The following SCAPER variants were observed in gnomAD, a reference collection of about 807,000 sequenced individuals.
The protein encoded by SCAPER is S phase cyclin A-associated protein in the endoplasmic reticulum.
In SCAPER, 98 loss-of-function variants were observed where a neutral mutation model predicts 182.2. That is an observed-to-expected ratio of 0.54 (90% CI 0.46 to 0.64). The LOEUF is 0.64. Ranked by LOEUF, SCAPER falls within the 30% of genes least tolerant of loss-of-function variation. SCAPER has a pLI of 0.00. For synonymous variants in SCAPER, 605 were observed against 564.6 expected (o/e 1.07, Z -1.01); for missense variants, 1,432 against 1,690.0 (o/e 0.85, Z 2.68).
At chr15:76,756,969 T>C (rs1471716084) in intron 14 of SCAPER, among the ~76,000 whole-genome samples, 2 of 151,436 alleles carry the variant, frequency 1.3e-5, no homozygotes, top group African/African-American at 4.9e-5. Flanking sequence ...TCAATAGTTA[T>C]TCTGCTCTAA....
chr15:76,834,886 T>G (rs1382493591), intron 5 of SCAPER, among the ~76,000 whole-genome samples: 1 of 151,702 alleles, frequency 6.6e-6, no homozygotes, highest in Non-Finnish European at 1.5e-5. Context: ...CAATAATGAG[T>G]TCTGAAATGG....
intron 2 of SCAPER, among the ~76,000 whole-genome samples, chr15:76,871,817 CT>C (rs1463695207): frequency 3.3e-5 from 5 of 152,054 alleles, no homozygotes; most frequent in Non-Finnish European, 4.4e-5. Flanking sequence ...TCTCAAACTC[CT>C]GACCTCAAGT....
intron 29 of SCAPER, among the ~76,000 whole-genome samples, chr15:76,370,311 T>G (rs1462923046): frequency 3.2e-5 from 4 of 126,436 alleles, no homozygotes; most frequent in East Asian, 2.2e-4. Flanking sequence ...TTTTTTTTTT[T>G]TTTTTGTTTT....
intron 5 of SCAPER, among the ~76,000 whole-genome samples, chr15:76,838,368 T>C (rs1317087194): frequency 6.6e-6 from 1 of 152,086 alleles, no homozygotes; most frequent in Non-Finnish European, 1.5e-5. Flanking sequence ...CAGAAACAAA[T>C]ATGAGAATAG....
At chr15:76,618,116 C>T (rs947735972) in intron 22 of SCAPER, among the ~76,000 whole-genome samples, 2 of 151,906 alleles carry the variant, frequency 1.3e-5, no homozygotes, top group African/African-American at 2.4e-5. Flanking sequence ...AAAAATTAGC[C>T]GGGTGTGGTA....
chr15:76,780,716 C>T (rs1001627720), intron 8 of SCAPER, among the ~76,000 whole-genome samples: 3 of 152,176 alleles, frequency 2.0e-5, no homozygotes, highest in Non-Finnish European at 4.4e-5. Context: ...TGTTCTGCAA[C>T]CTCCACTGGT....
chr15:76,814,597 A>G (rs1377112326), intron 5 of SCAPER, among the ~76,000 whole-genome samples: 3 of 152,194 alleles, frequency 2.0e-5, no homozygotes, highest in Non-Finnish European at 2.9e-5. Context: ...CTTACACCAT[A>G]CGCAAAAATA....
intron 26 of SCAPER, among the ~76,000 whole-genome samples, chr15:76,430,051 G>A (rs954482937): frequency 1.3e-5 from 2 of 152,224 alleles, no homozygotes; most frequent in Non-Finnish European, 2.9e-5. Flanking sequence ...AGCTTGGGCT[G>A]TTGCTCCAGA....
intron 22 of SCAPER, chr15:76,576,987 GTGT>G (rs1567506907): frequency 6.6e-6 from 1 of 152,182 alleles, no homozygotes; most frequent in African/African-American, 2.4e-5. Context: ...GCAAGTCCTG[GTGT>G]TGTGCTGGGC....
chr15:76,660,138 G>A (rs976097148), intron 21 of SCAPER, among the ~76,000 whole-genome samples: 2 of 152,118 alleles, frequency 1.3e-5, no homozygotes, highest in Non-Finnish European at 2.9e-5. Flanking sequence ...ACTAATGCAG[G>A]AACAGAAAAC....
intron 27 of SCAPER, among the ~76,000 whole-genome samples, chr15:76,396,336 A>G (rs2044053180): frequency 6.6e-6 from 1 of 151,954 alleles, no homozygotes; most frequent in African/African-American, 2.4e-5. Flanking sequence ...ACATTTTAGG[A>G]TTGTTTTTTC....
rs1415183388 is a variant in SCAPER at position 76,771,927 on chromosome 15, T to A, written c.1063A>T (p.Lys355Ter). ...TTGTCTCGAATACTGCCAGAATTCT[T>A]CACATCATCCAATGTACTCACTGTG... The part of the protein sequence containing the change: ...QFTVSTLDDV[K>*]NSGSIRDNYV... The change falls in exon 10 of 32, where the codon AAG (lysine) becomes TAG (stop). Residue 355 changes from lysine to a stop codon, truncating the protein, a stop_gained. Coordinates refer to ENST00000563290, the MANE Select transcript of SCAPER (RefSeq NM_020843.4). LOFTEE classifies it high-confidence loss of function. The A allele has an allele frequency of 6.2e-7, 1 of 1,611,404 alleles. No individual in the cohort carries two copies.
At chr15:76,594,762 C>T (rs2049372317) in intron 22 of SCAPER, among the ~76,000 whole-genome samples, 1 of 121,244 alleles carries the variant, frequency 8.2e-6, no homozygotes, top group East Asian at 2.2e-4. Flanking sequence ...AAATCCTTTA[C>T]AGACAAGTAA....
At chr15:76,536,503 C>A (rs2044174779) in intron 23 of SCAPER, among the ~76,000 whole-genome samples, 1 of 152,090 alleles carries the variant, frequency 6.6e-6, no homozygotes, top group Admixed American at 6.5e-5. Flanking sequence ...AGTTATGAGA[C>A]AATATTACAA....
chr15:76,524,689 G>GTT lies in SCAPER; in HGVS notation c.2839-19717_2839-19716dup, dbSNP rs35944222. ...TTCTGGAGTTGTGTTTTTTTGTTCT[G>GTT]TTTTTTTTTTTTTTTTTTTTTTTTT... On this transcript the variant is annotated intron_variant, in intron 23 of 31. Coordinates refer to ENST00000563290, the MANE Select transcript of SCAPER (RefSeq NM_020843.4). Among the ~76,000 whole-genome samples, 75 of 50,116 alleles carry GTT rather than the reference G, an allele frequency of 1.5e-3. 3 individuals carry two copies. Among genetic ancestry groups the GTT allele is most frequent in the Admixed American group, 3.2e-3 (12 of 3,732 alleles). The allele number at this position is 50,116 out of a possible 152,430, so 32.9% of individuals were successfully genotyped here.
intron 23 of SCAPER, among the ~76,000 whole-genome samples, chr15:76,533,562 C>T (rs945580132): frequency 1.3e-5 from 2 of 152,080 alleles, no homozygotes; most frequent in South Asian, 2.1e-4. Context: ...GTTTGCACAA[C>T]GATGACGCTG....
At chr15:76,423,413 G>A (rs1303635422) in intron 26 of SCAPER, among the ~76,000 whole-genome samples, 4 of 152,212 alleles carry the variant, frequency 2.6e-5, no homozygotes, top group African/African-American at 4.8e-5. Context: ...GCATAGAGGT[G>A]TTTATAGTAT....
intron 14 of SCAPER, among the ~76,000 whole-genome samples, chr15:76,758,723 G>C (rs1283946325): frequency 2.0e-5 from 3 of 152,080 alleles, no homozygotes; most frequent in African/African-American, 2.4e-5. Flanking sequence ...CATGAACAGG[G>C]ATATCTTTCT....
At chr15:76,875,273 CA>C (rs1168898913) in intron 2 of SCAPER, among the ~76,000 whole-genome samples, 2 of 152,134 alleles carry the variant, frequency 1.3e-5, no homozygotes, top group Non-Finnish European at 2.9e-5. Flanking sequence ...CAGGACCATA[CA>C]GGAAACATAA....
Sources: allele counts gnomAD v4.1 joint callset (sites outside exome capture counted in the v4.1 genomes callset), GRCh38; gene constraint gnomAD v4.1.1; transcripts MANE v1.5; gene names NCBI Gene and HGNC (gene_info 2026-07-23, HGNC 2026-07-21).